The following VPS39 variants were observed in gnomAD, a reference collection of about 807,000 sequenced individuals.
The protein encoded by VPS39 is vam6/Vps39-like protein.
Under a neutral mutation model 121.0 loss-of-function variants are expected in VPS39, and 70 were observed. That is an observed-to-expected ratio of 0.58 (90% CI 0.48 to 0.71). VPS39 has a LOEUF of 0.71. VPS39 is among the 30% of genes least tolerant of loss of function. The probability of loss-of-function intolerance (pLI) is 0.00; values close to 1 mark genes in which losing one functional copy is unlikely to be tolerated. For synonymous variants in VPS39, 378 were observed against 398.1 expected (o/e 0.95, Z 0.60); for missense variants, 818 against 1,051.5 (o/e 0.78, Z 3.07).
In VPS39 at chr15:42,169,742, C is replaced by A; in HGVS notation, c.1215G>T (p.Leu405=). 1.2e-6 allele frequency: 2 copies of A among 1,614,004 alleles called. No individual in the cohort carries two copies. Among genetic ancestry groups the A allele is most frequent in the South Asian group, 1.1e-5 (1 of 91,060 alleles). The change falls in exon 12 of 25, where the codon CTG becomes CTT. Residue 405 remains leucine (L), a synonymous_variant. Transcript: ENST00000318006. The part of the protein sequence containing the change: ...GAELEKAHLA[L]IDYLTQKRSQ... ...TACCTACCTGTGTCAGGTAGTCAAT[C>A]AGAGCTAAGTGAGCCTTCTCCAATT... is the stretch of plus-strand genomic sequence containing the variant.
intron 24 of VPS39, 137 bp from the exon 25 acceptor site, chr15:42,160,966 C>A: frequency 1.3e-6 from 1 of 770,286 alleles, no homozygotes; most frequent in Admixed American, 2.1e-5. Flanking sequence ...AAAGAACAGC[C>A]TGCCTGAGGG....
intron 10 of VPS39, among the ~76,000 whole-genome samples, chr15:42,177,672 T>C (rs1371290092): frequency 6.6e-6 from 1 of 152,144 alleles, no homozygotes; most frequent in Non-Finnish European, 1.5e-5. Flanking sequence ...ATTAATTTTT[T>C]TTTTTGTTTT....
chr15:42,160,719 A>C lies in VPS39; in HGVS notation c.*35T>G. The C allele has an allele frequency of 6.3e-7, 1 of 1,593,990 alleles. No individual in the cohort carries two copies. Among genetic ancestry groups the C allele is most frequent in the South Asian group, 1.1e-5 (1 of 90,654 alleles). On this transcript the variant is annotated 3_prime_UTR_variant, in exon 25 of 25. Coordinates refer to ENST00000318006, the MANE Select transcript of VPS39 (RefSeq NM_015289.5). ...CTCCTTCACCTCTCTGGGAGAGCCA[A>C]GCTGTCCATCCGCTGGATCCCCAGG...
At chr15:42,204,673 A>T (rs1488034958) in intron 1 of VPS39, among the ~76,000 whole-genome samples, 1 of 152,140 alleles carries the variant, frequency 6.6e-6, no homozygotes, top group African/African-American at 2.4e-5. Context: ...GAAATAAAAT[A>T]AAATAAAATA....
rs768044214 is a variant in VPS39 at position 42,169,714 on chromosome 15, C to G, written c.1233+10G>C. On this transcript the variant is annotated intron_variant, in intron 12 of 24. Transcript: ENST00000318006. ...GGCAAACTCTTTCACGCACTCTGTA[C>G]TATACCTACCTGTGTCAGGTAGTCA... 3.1e-6 allele frequency: 5 copies of G among 1,613,264 alleles called. No individual in the cohort carries two copies. The highest frequency in any genetic ancestry group is 4.2e-6 in the Non-Finnish European group (5 of 1,179,864).
intron 1 of VPS39, among the ~76,000 whole-genome samples, chr15:42,203,779 C>T (rs1389333520): frequency 6.6e-6 from 1 of 152,206 alleles, no homozygotes; most frequent in Non-Finnish European, 1.5e-5. Flanking sequence ...AGGACCTGTC[C>T]CATGTTGGGT....
intron 2 of VPS39, among the ~76,000 whole-genome samples, chr15:42,192,259 C>G (rs1035924818): frequency 6.6e-6 from 1 of 152,166 alleles, no homozygotes; most frequent in African/African-American, 2.4e-5. Flanking sequence ...GCAATAACTA[C>G]ATACTGGGTT....
rs1044151113 is a variant in VPS39, at chr15:42,187,704, C to T, written c.441+54G>A. 45 of 1,515,120 alleles carry T rather than the reference C, an allele frequency of 3.0e-5. No homozygotes were observed. The African/African-American group carries it at 4.5e-4, about 15-fold the overall frequency. The allele number at this position is 1,515,120 out of a possible 1,614,324, so 93.9% of individuals were successfully genotyped here. ...CTGGAGTCCTGAACTTCACTAGAACCGAGCCACTGCAGCAGCTCCCACCCA... is the reference window on the plus strand; with the variant it reads ...CTGGAGTCCTGAACTTCACTAGAACTGAGCCACTGCAGCAGCTCCCACCCA... On this transcript the variant is annotated intron_variant, in intron 6 of 24. Coordinates refer to ENST00000318006, the MANE Select transcript of VPS39 (RefSeq NM_015289.5).
At position 42,194,671 on chromosome 15, in the gene VPS39, T is replaced by G. The variant is rs143984642; in HGVS notation, c.140-3111A>C. Among the ~76,000 whole-genome samples, 129 of 151,784 alleles carry G rather than the reference T, an allele frequency of 8.5e-4. 1 individual carries two copies. In the East Asian group the frequency reaches 0.017, roughly 20 times the overall value. The stretch of plus-strand genomic sequence containing the variant: ...TCGCCTGAGCCTAGGAGTTATAGGT[T>G]GCAGTGAGTCATGATTGCGCCACTG... On this transcript the variant is annotated intron_variant, in intron 2 of 24. Coordinates refer to ENST00000318006, the MANE Select transcript of VPS39 (RefSeq NM_015289.5).
chr15:42,169,686 C>G, intron 12 of VPS39, 38 bp downstream of exon 12: 1 of 1,551,312 alleles, frequency 6.4e-7, no homozygotes, highest in Non-Finnish European at 8.8e-7. Flanking sequence ...ACTGAAACTC[C>G]CAGGCAAACT....
At chr15:42,168,543 C>CTTT (rs773910224) in intron 12 of VPS39, among the ~76,000 whole-genome samples, 2 of 136,748 alleles carry the variant, frequency 1.5e-5, no homozygotes, top group Non-Finnish European at 3.2e-5. Flanking sequence ...AATACTTCTT[C>CTTT]TTTTTTTTTT....
chr15:42,187,796 G>C lies in VPS39; in HGVS notation c.403C>G (p.Leu135Val), dbSNP rs1194741161. Residue 135 changes from leucine (L) to valine (V), a missense_variant, in exon 6 of 25, where the codon CTC (leucine) becomes GTC (valine). Leu to Val is a conservative substitution (Grantham distance 32). Coordinates refer to ENST00000318006, the MANE Select transcript of VPS39 (RefSeq NM_015289.5). ...MCVAVKKKLQ[L>V]YFWKDREFHE... Reference sequence around the variant, plus strand: ...AATTCCCTGTCCTTCCAGAAATAGAGCTGCAGCTTCTTTTTTACTGCCACA... The same window carrying C: ...AATTCCCTGTCCTTCCAGAAATAGACCTGCAGCTTCTTTTTTACTGCCACA... 3.1e-6 allele frequency: 5 copies of C among 1,614,110 alleles called. No individual in the cohort carries two copies. Among genetic ancestry groups the C allele is most frequent in the Non-Finnish European group, 2.5e-6 (3 of 1,180,014 alleles).
chr15:42,185,338 C>A (rs2049679469), intron 7 of VPS39, among the ~76,000 whole-genome samples: 1 of 152,026 alleles, frequency 6.6e-6, no homozygotes, highest in African/African-American at 2.4e-5. Flanking sequence ...GCCACCACGC[C>A]AGGCTAATTT....
At chr15:42,169,968 TTA>T in intron 11 of VPS39, 102 bp from the exon 12 acceptor site, 2 of 1,245,762 alleles carry the variant, frequency 1.6e-6, no homozygotes, top group Non-Finnish European at 1.1e-6. Flanking sequence ...CCAGACTGAT[TTA>T]AAAAAAAAAA....
chr15:42,181,901 A>G (rs1384573255), intron 8 of VPS39, among the ~76,000 whole-genome samples: 2 of 152,152 alleles, frequency 1.3e-5, no homozygotes, highest in African/African-American at 4.8e-5. Flanking sequence ...TTTTGTAGAG[A>G]CAGGGTCTCA....
intron 18 of VPS39, 154 bp downstream of exon 18, chr15:42,164,842 G>C: frequency 6.9e-7 from 1 of 1,448,272 alleles, no homozygotes; most frequent in Non-Finnish European, 9.0e-7. Flanking sequence ...CATGTGCCAG[G>C]CTTGTGTCAC....
At position 42,164,886 on chromosome 15, in the gene VPS39, G is replaced by A. The variant is rs142635065; in HGVS notation, c.1897+110C>T. 956 of 1,514,594 alleles carry A rather than the reference G, an allele frequency of 6.3e-4. 6 individuals are homozygous for A. The African/African-American group carries it at 0.011, about 18-fold the overall frequency. 93.8% of individuals were successfully genotyped at this position (1,514,594 alleles called of 1,614,324 possible). On this transcript the variant is annotated intron_variant, in intron 18 of 24. Transcript: ENST00000318006. ...CCTGGCTCCTCTTCAGAACTTCTGC[G>A]CACCTGGGCAGAGAATAGGGTGGCC...
intron 10 of VPS39, among the ~76,000 whole-genome samples, chr15:42,175,437 A>C (rs369713132): frequency 5.4e-4 from 82 of 152,022 alleles, no homozygotes; most frequent in African/African-American, 1.9e-3. Context: ...AAGAAAAAAA[A>C]CAGAAAGCCA....
At chr15:42,174,740 G>C (rs2049414211) in intron 10 of VPS39, among the ~76,000 whole-genome samples, 1 of 152,138 alleles carries the variant, frequency 6.6e-6, no homozygotes, top group South Asian at 2.1e-4. Context: ...TTGGGAGGCC[G>C]AGGTGGGCAG....
Sources: allele counts gnomAD v4.1 joint callset (sites outside exome capture counted in the v4.1 genomes callset), GRCh38; gene constraint gnomAD v4.1.1; transcripts MANE v1.5; gene names NCBI Gene and HGNC (gene_info 2026-07-23, HGNC 2026-07-21).